Variants in MTHFD1 observed in about 807,000 individuals in gnomAD.
MTHFD1 encodes the protein C-1-tetrahydrofolate synthase, cytoplasmic.
Under a neutral mutation model 110.3 loss-of-function variants are expected in MTHFD1, and 44 were observed. The ratio of observed to expected loss-of-function variants is 0.40; its 90% CI spans 0.31 to 0.51. MTHFD1 has a LOEUF of 0.51. Ranked by LOEUF, MTHFD1 falls within the 20% of genes least tolerant of loss-of-function variation. The pLI is 0.60. For missense variants in MTHFD1, 909 were observed against 1,173.1 expected, an observed-to-expected ratio of 0.77 and a Z score of 3.29; for synonymous variants, 402 against 428.8, an observed-to-expected ratio of 0.94 and a Z score of 0.77.
intron 8 of MTHFD1, among the ~76,000 whole-genome samples, chr14:64,420,327 G>C (rs2078058421): frequency 6.6e-6 from 1 of 152,170 alleles, no homozygotes; most frequent in Non-Finnish European, 1.5e-5. Flanking sequence ...TCTGCCAAGA[G>C]GAGGGCTTTA....
Position 64,427,444 on chromosome 14 carries a change from C to T in MTHFD1, c.1235C>T (p.Pro412Leu), listed in dbSNP as rs1004193148. The T allele has an allele frequency of 1.2e-6, 2 of 1,614,086 alleles. No homozygotes were observed. The highest frequency in any genetic ancestry group is 2.7e-5 in the African/African-American group (2 of 74,940). Residue 412 changes from proline to leucine, a missense_variant, in exon 12 of 28, where the codon CCT becomes CTT. Pro to Leu is a moderately conservative substitution (Grantham distance 98, BLOSUM62 -3). Transcript: ENST00000652337. ...YQNVFACVRQPSQGPTFGIKG... is the reference protein window; with the variant it reads ...YQNVFACVRQLSQGPTFGIKG... ...AATGTCTTTGCGTGTGTGCGACAGC[C>T]TTCTCAGGGCCCCACCTTTGGAATA...
At chr14:64,448,962 G>T in intron 23 of MTHFD1, 1 of 229,460 alleles carries the variant, frequency 4.4e-6, no homozygotes, top group South Asian at 6.1e-5. Flanking sequence ...ACCATGCCCA[G>T]CTAATTTTTT....
chr14:64,415,125 T>A (rs1226480591), intron 4 of MTHFD1, among the ~76,000 whole-genome samples: 6 of 152,188 alleles, frequency 3.9e-5, no homozygotes, highest in Non-Finnish European at 8.8e-5. Context: ...ATGAGACACC[T>A]CGCCCAGCCT....
chr14:64,402,262 G>C (rs1237956288), intron 2 of MTHFD1, among the ~76,000 whole-genome samples: 1 of 152,160 alleles, frequency 6.6e-6, no homozygotes, highest in Non-Finnish European at 1.5e-5. Flanking sequence ...ATAGTTCCCG[G>C]AATTATGCAG....
At chr14:64,397,191 A>C (rs2077863850) in intron 1 of MTHFD1, among the ~76,000 whole-genome samples, 1 of 3,970 alleles carries the variant, frequency 2.5e-4, no homozygotes, top group African/African-American at 1.2e-3. Flanking sequence ...ATATATATAT[A>C]AAAAACAGTA....
At position 64,429,261 on chromosome 14, in the gene MTHFD1, A is replaced by AACATATATATATATATAT. The variant is rs11158541; in HGVS notation, c.1265-922_1265-921insCATATATATATATATATA. On this transcript the variant is annotated intron_variant, in intron 12 of 27. Coordinates refer to ENST00000652337, the MANE Select transcript of MTHFD1 (RefSeq NM_005956.4). ...GACAGTATGAGACTCTGTCTAAAAA[A>AACATATATATATATATAT]ATATATATCTGATTTACATTTATTG... Among the ~76,000 whole-genome samples the AACATATATATATATATAT allele has an allele frequency of 1.6e-3, 172 of 108,230 alleles. 20 individuals are homozygous for AACATATATATATATATAT. The highest frequency in any genetic ancestry group is 0.014 in the Middle Eastern group (3 of 208). 71.0% of individuals were successfully genotyped at this position (108,230 alleles called of 152,430 possible). A position where few individuals can be genotyped will look rare whatever the true frequency, so the allele number is the denominator to read the frequency against.
chr14:64,427,581 C>A, intron 12 of MTHFD1, 108 bp downstream of exon 12: 1 of 1,096,840 alleles, frequency 9.1e-7, no homozygotes, highest in Non-Finnish European at 1.4e-6. Context: ...CTCATTTCAA[C>A]ACCAGGAATG....
At chr14:64,457,512 G>A (rs530623665) in intron 26 of MTHFD1, among the ~76,000 whole-genome samples, 3 of 151,092 alleles carry the variant, frequency 2.0e-5, no homozygotes, top group Non-Finnish European at 2.9e-5. Context: ...CTGGAGTGCA[G>A]TGGCAAGATC....
rs139264994 is a variant in MTHFD1 at position 64,431,610 on chromosome 14, A to G, written c.1390A>G (p.Ile464Val). The change falls in exon 14 of 28, where the codon ATA (isoleucine) becomes GTA (valine). Residue 464 changes from isoleucine (I) to valine (V), a missense_variant. Ile to Val is a conservative substitution (Grantham distance 29). This residue lies in a region of MTHFD1 where 482 missense variants were observed against 646.0 expected (regional missense o/e 0.75). Transcript: ENST00000652337. The stretch of plus-strand genomic sequence containing the variant: ...CGTTGCTGCGGCCATTGATGCTCGG[A>G]TATTTCATGAACTGACCCAGACAGA... ...NLVAAAIDAR[I>V]FHELTQTDKA... 2.0e-4 allele frequency: 321 copies of G among 1,614,062 alleles called. No homozygotes were observed. The highest frequency in any genetic ancestry group is 2.6e-4 in the Non-Finnish European group (307 of 1,180,030).
rs778044059 is a variant in MTHFD1, at chr14:64,435,656, A to G, written c.1582A>G (p.Ile528Val). ...FARLDIDPETITWQRVLDTND... is the reference protein window; with the variant it reads ...FARLDIDPETVTWQRVLDTND... ...AAGATTGGACATTGATCCAGAAACC[A>G]TAACTTGGCAAAGAGGTACCAGAGC... Residue 528 changes from isoleucine (I) to valine (V), a missense_variant, in exon 16 of 28, where the codon ATA (isoleucine) becomes GTA (valine). Physicochemically the swap from Ile to Val is conservative, Grantham distance 29. This residue lies in a region of MTHFD1 where 482 missense variants were observed against 646.0 expected (regional missense o/e 0.75). Transcript: ENST00000652337. 1.4e-5 allele frequency: 23 copies of G among 1,607,440 alleles called. No homozygotes were observed. Among genetic ancestry groups the G allele is most frequent in the Admixed American group, 3.3e-5 (2 of 59,990 alleles).
chr14:64,396,920 C>T (rs370478142), intron 1 of MTHFD1, among the ~76,000 whole-genome samples: 14 of 145,900 alleles, frequency 9.6e-5, no homozygotes, highest in South Asian at 6.6e-4. Context: ...TTGGCTAACA[C>T]GGTGAAACCC....
At chr14:64,397,164 T>A (rs1596530301) in intron 1 of MTHFD1, among the ~76,000 whole-genome samples, 2 of 15,754 alleles carry the variant, frequency 1.3e-4, no homozygotes, top group Non-Finnish European at 1.2e-4. Context: ...TATATATATA[T>A]ATATATATAT....
At chr14:64,412,904 C>T (rs2077995745) in intron 4 of MTHFD1, among the ~76,000 whole-genome samples, 1 of 151,602 alleles carries the variant, frequency 6.6e-6, no homozygotes, top group African/African-American at 2.4e-5. Flanking sequence ...TCCCAAAGTG[C>T]TGGGATTACA....
chr14:64,404,630 A>G (rs1328745960), intron 2 of MTHFD1, among the ~76,000 whole-genome samples: 13 of 152,192 alleles, frequency 8.5e-5, no homozygotes, highest in African/African-American at 2.4e-5. Flanking sequence ...TATGTCTCCA[A>G]TAGATCATTT....
At chr14:64,445,464 T>C (rs2078282722) in intron 22 of MTHFD1, among the ~76,000 whole-genome samples, 1 of 152,154 alleles carries the variant, frequency 6.6e-6, no homozygotes, top group East Asian at 1.9e-4. Context: ...TAAAGCCAGT[T>C]TGGGGTGGTT....
At chr14:64,458,352 C>A (rs566171523) in intron 27 of MTHFD1, 45 bp downstream of exon 27, 2 of 1,214,306 alleles carry the variant, frequency 1.6e-6, no homozygotes, top group Admixed American at 1.7e-5. Flanking sequence ...CCTCATGTAG[C>A]TTATTTATGA....
intron 2 of MTHFD1, 123 bp downstream of exon 2, chr14:64,401,000 C>G: frequency 1.3e-6 from 1 of 747,704 alleles, no homozygotes; most frequent in African/African-American, 1.7e-5. Flanking sequence ...CCTTTTCAGT[C>G]TCTCTTGGCA....
At chr14:64,432,721 A>G (rs1170044089) in intron 15 of MTHFD1, among the ~76,000 whole-genome samples, 1 of 152,212 alleles carries the variant, frequency 6.6e-6, no homozygotes, top group Non-Finnish European at 1.5e-5. Context: ...GGGTATGACC[A>G]TAAAGGAACA....
At chr14:64,443,565 G>A (rs1488531119) in intron 21 of MTHFD1, among the ~76,000 whole-genome samples, 1 of 152,128 alleles carries the variant, frequency 6.6e-6, no homozygotes, top group Non-Finnish European at 1.5e-5. Context: ...CCCTTCAAAG[G>A]ATTGGGTCCC....
Sources: allele counts gnomAD v4.1 joint callset (sites outside exome capture counted in the v4.1 genomes callset), GRCh38; gene constraint gnomAD v4.1.1; regional missense constraint gnomAD v4.1.1; transcripts MANE v1.5; gene names NCBI Gene and HGNC (gene_info 2026-07-23, HGNC 2026-07-21).